PCDHGA4: variants seen among roughly 807,000 people sequenced by gnomAD.
PCDHGA4 encodes the protein protocadherin gamma-A4.
Under a neutral mutation model 54.6 loss-of-function variants are expected in PCDHGA4, and 38 were observed. The ratio of observed to expected loss-of-function variants is 0.70; its 90% CI spans 0.54 to 0.91. The LOEUF (loss-of-function observed/expected upper bound fraction) is 0.91, where lower values mean the gene tolerates loss of function less well. PCDHGA4 is among the 40% of genes least tolerant of loss of function. The pLI, the probability that PCDHGA4 is intolerant of heterozygous loss-of-function variation, is 0.00. For missense variants in PCDHGA4, 1,298 were observed against 1,220.9 expected, an observed-to-expected ratio of 1.06 and a Z score of -0.94; for synonymous variants, 511 against 512.9, an observed-to-expected ratio of 1.00 and a Z score of 0.05.
At chr5:141,450,986 G>A (rs950903600) in intron 1 of PCDHGA4, among the ~76,000 whole-genome samples, 15 of 151,310 alleles carry the variant, frequency 9.9e-5, no homozygotes, top group Non-Finnish European at 1.3e-4. Context: ...CACCACACCC[G>A]GCTAATTTTT....
chr5:141,459,579 T>G (rs1047850142), intron 1 of PCDHGA4, among the ~76,000 whole-genome samples: 2 of 152,212 alleles, frequency 1.3e-5, no homozygotes, highest in African/African-American at 4.8e-5. Context: ...AGAATTGTTT[T>G]GGGGGTCATA....
chr5:141,490,604 A>T lies in PCDHGA4; in HGVS notation c.2515-4203A>T, dbSNP rs749528675. ...GTCAATGACAATGCACCCCGCTTCA[A>T]CCAGCAGCTTTACACTGCTTACATC... On this transcript the variant is annotated intron_variant, in intron 1 of 3. Transcript: ENST00000571252. The surrounding 1 kb of genome is among the most constrained non-coding windows in gnomAD (Gnocchi z 5.4). 6.2e-7 allele frequency: 1 copy of T among 1,614,192 alleles called. No homozygotes were observed. The highest frequency in any genetic ancestry group is 8.5e-7 in the Non-Finnish European group (1 of 1,180,022).
At position 141,448,827 on chromosome 5, in the gene PCDHGA4, C is replaced by T. The variant is rs540550537; in HGVS notation, c.2515-45980C>T. ...AGGCGTGATGGCGGGCGCCTGTAGT[C>T]CCAGCTACTCTGGAGGCTGAGGCAG... On this transcript the variant is annotated intron_variant, in intron 1 of 3. Transcript: ENST00000571252. Among the ~76,000 whole-genome samples the T allele has an allele frequency of 1.6e-4, 25 of 152,108 alleles. No homozygotes were observed. In the South Asian group the frequency reaches 4.2e-3, roughly 25 times the overall value.
intron 2 of PCDHGA4, 22 bp downstream of exon 2, chr5:141,494,887 C>T (rs116522768): frequency 0.014 from 22,125 of 1,614,118 alleles, 208 homozygotes; most frequent in Middle Eastern, 0.021. Context: ...ATTCTCCAGC[C>T]CACCCTCTTC....
intron 3 of PCDHGA4, among the ~76,000 whole-genome samples, chr5:141,509,422 G>A (rs1181133903): frequency 3.3e-5 from 5 of 152,136 alleles, no homozygotes; most frequent in Non-Finnish European, 5.9e-5. Flanking sequence ...GCCCCAATGA[G>A]TCAAACTCTT....
intron 1 of PCDHGA4, chr5:141,389,893 T>C (rs764580902): frequency 2.9e-5 from 46 of 1,613,976 alleles, no homozygotes; most frequent in Non-Finnish European, 3.6e-5. Context: ...CAGGAGGTGC[T>C]GCCGGATATC....
Position 141,403,122 on chromosome 5 carries a change from G to A in PCDHGA4, c.2514+45501G>A, listed in dbSNP as rs550510039. 4.3e-5 allele frequency: 69 copies of A among 1,613,932 alleles called. No individual in the cohort carries two copies. Among genetic ancestry groups the A allele is most frequent in the East Asian group, 8.9e-5 (4 of 44,898 alleles). ...TCCAAGGACCTGGCTCTGGAGCCCC[G>A]GGAGCTGGCGGAGCGCCGAGTCCGC... On this transcript the variant is annotated intron_variant, in intron 1 of 3. Transcript: ENST00000571252.
intron 1 of PCDHGA4, chr5:141,413,478 T>C (rs755324008): frequency 6.2e-7 from 1 of 1,614,074 alleles, no homozygotes; most frequent in East Asian, 2.2e-5. Flanking sequence ...AGCTCTGCGC[T>C]CAGAGCGCGC....
chr5:141,477,482 C>T lies in PCDHGA4; in HGVS notation c.2515-17325C>T, dbSNP rs1168724444. The T allele has an allele frequency of 6.2e-7, 1 of 1,614,118 alleles. No individual in the cohort carries two copies. Among genetic ancestry groups the T allele is most frequent in the Non-Finnish European group, 8.5e-7 (1 of 1,180,016 alleles). ...GTCCGACATCAATGACAACCCTCCA[C>T]AATCTTCTCAATCTTCCTACGACGT... is the stretch of plus-strand genomic sequence containing the variant. On this transcript the variant is annotated intron_variant, in intron 1 of 3. Coordinates refer to ENST00000571252, the MANE Select transcript of PCDHGA4 (RefSeq NM_018917.4). This position sits in a 1 kb window ranked among gnomAD's most constrained non-coding sequence, Gnocchi z 4.9.
Position 141,511,643 on chromosome 5 carries a change from C to T in PCDHGA4, c.*470C>T, listed in dbSNP as rs937995879. ...TGAAAAGTTGGAAGGGCATCATGACCTCTTGGCCTCTCCTTTGATTCTCAA... is the reference window on the plus strand; with the variant it reads ...TGAAAAGTTGGAAGGGCATCATGACTTCTTGGCCTCTCCTTTGATTCTCAA... On this transcript the variant is annotated 3_prime_UTR_variant, in exon 4 of 4. Coordinates refer to ENST00000571252, the MANE Select transcript of PCDHGA4 (RefSeq NM_018917.4). 4 of 218,904 alleles carry T rather than the reference C, an allele frequency of 1.8e-5. No homozygotes were observed. The highest frequency in any genetic ancestry group is 5.2e-5 in the Admixed American group (1 of 19,306). 13.6% of individuals were successfully genotyped at this position (218,904 alleles called of 1,614,324 possible). A position where few individuals can be genotyped will look rare whatever the true frequency, so the allele number is the denominator to read the frequency against.
Position 141,511,156 on chromosome 5 carries a change from A to G in PCDHGA4, c.2872A>G (p.Lys958Glu), listed in dbSNP as rs2099883637. 6.2e-7 allele frequency: 1 copy of G among 1,614,080 alleles called. No individual in the cohort carries two copies. The highest frequency in any genetic ancestry group is 1.3e-5 in the African/African-American group (1 of 74,940). Residue 958 changes from lysine (K) to glutamate (E), a missense_variant, in exon 4 of 4, where the codon AAG (lysine) becomes GAG (glutamate). By Grantham distance (56) the Lys-to-Glu change is moderately conservative (BLOSUM62 1). Transcript: ENST00000571252. ...CAATGGCAACAAGAAGAAGTCGGGC[A>G]AGAAGGAGAAGAAGTAACATGGAGG... is the stretch of plus-strand genomic sequence containing the variant. ...GGNGNKKKSG[K>E]KEKK
chr5:141,360,609 G>C, intron 1 of PCDHGA4: 1 of 1,613,936 alleles, frequency 6.2e-7, no homozygotes, highest in Non-Finnish European at 8.5e-7. Flanking sequence ...ACCCAGCCCT[G>C]GATTCAGATG....
At chr5:141,365,775 GCGACAACGCTC>G (rs763426695) in intron 1 of PCDHGA4, 1 of 1,613,864 alleles carries the variant, frequency 6.2e-7, no homozygotes, top group East Asian at 2.2e-5. Flanking sequence ...CCCGACAGCG[GCGACAACGCTC>G]GAGTCACCTA....
intron 1 of PCDHGA4, among the ~76,000 whole-genome samples, chr5:141,488,613 A>C (rs1214413025): frequency 1.3e-5 from 2 of 152,158 alleles, no homozygotes; most frequent in Non-Finnish European, 2.9e-5. Flanking sequence ...GTTCTTACTA[A>C]TCTTTTCTCT....
rs1031996605 is a variant in PCDHGA4, at chr5:141,487,055, G to C, written c.2515-7752G>C. ...TGCAGTCTCTCGATATGCTGGGGAG[G>C]TGCGGACGGCTGTTCCTATCCCAGC... is the stretch of plus-strand genomic sequence containing the variant. On this transcript the variant is annotated intron_variant, in intron 1 of 3. Transcript: ENST00000571252. The surrounding 1 kb of genome is among the most constrained non-coding windows in gnomAD (Gnocchi z 5.0). The C allele has an allele frequency of 6.2e-7, 1 of 1,614,186 alleles. No individual in the cohort carries two copies. The highest frequency in any genetic ancestry group is 8.5e-7 in the Non-Finnish European group (1 of 1,180,038).
At position 141,491,679 on chromosome 5, in the gene PCDHGA4, T is replaced by C. The variant is rs111288145; in HGVS notation, c.2515-3128T>C. On this transcript the variant is annotated intron_variant, in intron 1 of 3. Coordinates refer to ENST00000571252, the MANE Select transcript of PCDHGA4 (RefSeq NM_018917.4). This position sits in a 1 kb window ranked among gnomAD's most constrained non-coding sequence, Gnocchi z 6.9. ...CTGACGCCATCCGGTCCCGCTCTAA[T>C]ACGCTGCGGGAGCGGAGCCAGGTGA... is the stretch of plus-strand genomic sequence containing the variant. 21 of 1,613,378 alleles carry C rather than the reference T, an allele frequency of 1.3e-5. No homozygotes were observed. Among genetic ancestry groups the C allele is most frequent in the Middle Eastern group, 1.6e-4 (1 of 6,078 alleles).
At position 141,356,332 on chromosome 5, in the gene PCDHGA4, G is replaced by A; in HGVS notation, c.1225G>A (p.Gly409Arg). The A allele has an allele frequency of 6.4e-7, 1 of 1,554,428 alleles. No homozygotes were observed. Among genetic ancestry groups the A allele is most frequent in the African/African-American group, 1.4e-5 (1 of 73,232 alleles). ...LFNVHDSDSG[G>R]NGLVTCSIPD... ...CAACGTGCATGACAGTGACTCAGGAGGAAATGGCCTAGTCACATGTTCTAT... is the reference window on the plus strand; with the variant it reads ...CAACGTGCATGACAGTGACTCAGGAAGAAATGGCCTAGTCACATGTTCTAT... Residue 409 changes from glycine to arginine, a missense_variant, in exon 1 of 4, where the codon GGA becomes AGA. By Grantham distance (125) the Gly-to-Arg change is moderately radical. Coordinates refer to ENST00000571252, the MANE Select transcript of PCDHGA4 (RefSeq NM_018917.4).
Position 141,489,090 on chromosome 5 carries a change from C to CCAA in PCDHGA4, c.2515-5717_2515-5716insCAA, listed in dbSNP as rs2099682444. 1 of 328,824 alleles carries CCAA rather than the reference C, an allele frequency of 3.0e-6. No individual in the cohort carries two copies. Among genetic ancestry groups the CCAA allele is most frequent in the Admixed American group, 6.1e-5 (1 of 16,500 alleles). The allele number at this position is 328,824 out of a possible 1,614,324, so 20.4% of individuals were successfully genotyped here. ...CCTGCCCACCCCCGCCACTCGGTGA[C>CCAA]TAAGAACTGCTGCAAGCAGGCAAAC... On this transcript the variant is annotated intron_variant, in intron 1 of 3. Transcript: ENST00000571252. This position sits in a 1 kb window ranked among gnomAD's most constrained non-coding sequence, Gnocchi z 4.5.
chr5:141,394,249 C>G (rs1055429829), intron 1 of PCDHGA4: 2 of 1,613,964 alleles, frequency 1.2e-6, no homozygotes, highest in South Asian at 2.2e-5. Context: ...GCACACGACC[C>G]CGACAGCCAG....
Sources: gnomAD v4.1 joint callset for allele counts (sites outside exome capture counted in the v4.1 genomes callset) on GRCh38, gnomAD v4.1.1 for gene constraint, Gnocchi (gnomAD v3.1) non-coding constraint, MANE v1.5 for transcripts, NCBI Gene and HGNC (gene_info 2026-07-23, HGNC 2026-07-21) for gene names.